The following EPHA5 variants were observed in gnomAD, a reference collection of about 807,000 sequenced individuals.
The protein encoded by EPHA5 is ephrin type-A receptor 5.
Under a neutral mutation model 105.0 loss-of-function variants are expected in EPHA5, and 60 were observed. The ratio of observed to expected loss-of-function variants is 0.57; its 90% CI spans 0.46 to 0.71. The LOEUF (loss-of-function observed/expected upper bound fraction) is 0.71, where lower values mean the gene tolerates loss of function less well. EPHA5 is among the 30% of genes least tolerant of loss of function. The pLI is 0.00. For synonymous variants in EPHA5, 513 were observed against 449.1 expected (o/e 1.14, Z -1.80); for missense variants, 1,218 against 1,274.7 (o/e 0.96, Z 0.68).
Position 65,348,659 on chromosome 4 carries a change from GATATATATATATATAT to G in EPHA5, c.2446-472_2446-457del, listed in dbSNP as rs36206921. Among the ~76,000 whole-genome samples, 22 of 60,202 alleles carry G rather than the reference GATATATATATATATAT, an allele frequency of 3.7e-4. 1 individual carries two copies. In the East Asian group the frequency reaches 4.5e-3, roughly 12 times the overall value. 39.5% of individuals were successfully genotyped at this position (60,202 alleles called of 152,430 possible). A position where few individuals can be genotyped will look rare whatever the true frequency, so the allele number is the denominator to read the frequency against. On this transcript the variant is annotated intron_variant, in intron 13 of 16. Transcript: ENST00000613740. Reference sequence around the variant, plus strand: ...TAATAAGAAAAGCATAAACATTGGAGATATATATATATATATATATATATATATATATATATATAAA... The same window carrying G: ...TAATAAGAAAAGCATAAACATTGGAGATATATATATATATATATATATAAA...
chr4:65,570,681 C>T (rs1352089045), intron 3 of EPHA5, among the ~76,000 whole-genome samples: 9 of 151,726 alleles, frequency 5.9e-5, no homozygotes, highest in Admixed American at 3.9e-4. Flanking sequence ...TGTATAAGTA[C>T]TCTATACTTG....
At chr4:65,560,212 T>C (rs1388978294) in intron 3 of EPHA5, among the ~76,000 whole-genome samples, 1 of 152,114 alleles carries the variant, frequency 6.6e-6, no homozygotes, top group Non-Finnish European at 1.5e-5. Context: ...AATTTGACAA[T>C]AGATATATTC....
Position 65,353,027 on chromosome 4 carries a change from A to T in EPHA5, c.2235+15T>A, listed in dbSNP as rs13435235. On this transcript the variant is annotated intron_variant, in intron 12 of 16. Transcript: ENST00000613740. ...AAATAACACCTTGAATAACTAAATT[A>T]TTCCCCAATCCTACCTTCAAAAATG... 5.4e-6 allele frequency: 8 copies of T among 1,495,044 alleles called. No individual in the cohort carries two copies. The highest frequency in any genetic ancestry group is 6.4e-6 in the Non-Finnish European group (7 of 1,102,018). The allele number at this position is 1,495,044 out of a possible 1,614,324, so 92.6% of individuals were successfully genotyped here.
At chr4:65,505,821 A>AT (rs1217255919) in intron 3 of EPHA5, among the ~76,000 whole-genome samples, 3 of 151,918 alleles carry the variant, frequency 2.0e-5, no homozygotes, top group East Asian at 1.9e-4. Flanking sequence ...AACCAAGGGA[A>AT]TTTTTTTGTG....
intron 8 of EPHA5, among the ~76,000 whole-genome samples, chr4:65,392,821 T>C (rs1720855012): frequency 6.6e-6 from 1 of 152,188 alleles, no homozygotes; most frequent in Non-Finnish European, 1.5e-5. Flanking sequence ...CAAATGGAGA[T>C]TGATGCACAG....
chr4:65,352,511 G>A (rs1350822042), intron 12 of EPHA5, among the ~76,000 whole-genome samples: 1 of 151,886 alleles, frequency 6.6e-6, no homozygotes, highest in African/African-American at 2.4e-5. Context: ...TCCCTGAAAC[G>A]CTGGTGATCT....
intron 8 of EPHA5, among the ~76,000 whole-genome samples, chr4:65,392,384 C>T (rs574030749): frequency 4.6e-5 from 7 of 152,070 alleles, no homozygotes; most frequent in African/African-American, 1.2e-4. Context: ...TATATGATTA[C>T]AAATGTTTGG....
chr4:65,618,928 G>A (rs1014520180), intron 2 of EPHA5, among the ~76,000 whole-genome samples: 1 of 152,188 alleles, frequency 6.6e-6, no homozygotes, highest in Non-Finnish European at 1.5e-5. Context: ...GCCTAGGCGG[G>A]TAGATGATTT....
In EPHA5 at chr4:65,660,344, T is replaced by C. The variant is rs923912975; in HGVS notation, c.181+9218A>G. Among the ~76,000 whole-genome samples the C allele has an allele frequency of 2.0e-5, 3 of 152,230 alleles. 1 individual carries two copies. The highest frequency in any genetic ancestry group is 6.8e-3 in the Middle Eastern group (2 of 294). ...AACAGAAAATCAAGATAATGTCATGTGGTTGGTTTTCACCTTGGATAGCTC... is the reference window on the plus strand; with the variant it reads ...AACAGAAAATCAAGATAATGTCATGCGGTTGGTTTTCACCTTGGATAGCTC... On this transcript the variant is annotated intron_variant, in intron 1 of 16. Coordinates refer to ENST00000613740, the MANE Select transcript of EPHA5 (RefSeq NM_001281766.3).
At chr4:65,655,713 C>T (rs928715411) in intron 1 of EPHA5, among the ~76,000 whole-genome samples, 3 of 152,004 alleles carry the variant, frequency 2.0e-5, no homozygotes, top group African/African-American at 7.2e-5. Flanking sequence ...GTATAGATTT[C>T]CAAAGAATTT....
chr4:65,585,742 T>C (rs1742059306), intron 3 of EPHA5, among the ~76,000 whole-genome samples: 1 of 151,858 alleles, frequency 6.6e-6, no homozygotes, highest in Non-Finnish European at 1.5e-5. Context: ...CTGTTGTAAT[T>C]AGTGCTTATA....
At chr4:65,394,678 C>A (rs900805498) in intron 8 of EPHA5, among the ~76,000 whole-genome samples, 6 of 151,768 alleles carry the variant, frequency 4.0e-5, no homozygotes, top group African/African-American at 1.5e-4. Flanking sequence ...AGAATTAAGG[C>A]AGGACCATTC....
chr4:65,488,899 T>TTTTTTTTTC (rs1731138574), intron 5 of EPHA5, among the ~76,000 whole-genome samples: 1 of 148,996 alleles, frequency 6.7e-6, no homozygotes, highest in Non-Finnish European at 1.5e-5. Flanking sequence ...TTTTTTTTTT[T>TTTTTTTTTC]TTTTGAGACG....
intron 16 of EPHA5, chr4:65,331,469 G>T (rs1195493801): frequency 9.5e-7 from 1 of 1,049,182 alleles, no homozygotes; most frequent in African/African-American, 1.7e-5. Context: ...TAGATTGAAA[G>T]AATGTAAGGT....
intron 5 of EPHA5, among the ~76,000 whole-genome samples, chr4:65,463,840 C>T (rs1728352810): frequency 6.6e-6 from 1 of 151,996 alleles, no homozygotes; most frequent in Admixed American, 6.5e-5. Flanking sequence ...CATAGAGATC[C>T]TGAGATAGGG....
intron 3 of EPHA5, among the ~76,000 whole-genome samples, chr4:65,580,792 T>G (rs1741540959): frequency 6.7e-6 from 1 of 149,834 alleles, no homozygotes; most frequent in East Asian, 2.0e-4. Flanking sequence ...ACAGTTTACT[T>G]TTTTTTTTTT....
chr4:65,435,794 A>G (rs1455359479), intron 5 of EPHA5, among the ~76,000 whole-genome samples: 1 of 149,618 alleles, frequency 6.7e-6, no homozygotes, highest in Admixed American at 6.7e-5. Flanking sequence ...ATGGTTAAAA[A>G]CATTCTGCAA....
intron 5 of EPHA5, among the ~76,000 whole-genome samples, chr4:65,443,423 C>T (rs942407239): frequency 2.6e-5 from 4 of 150,968 alleles, no homozygotes; most frequent in African/African-American, 7.3e-5. Flanking sequence ...ACTGTTACTG[C>T]GATACCGAAT....
rs114827845 is a variant in EPHA5, at chr4:65,559,325, G to T, written c.910+42316C>A. On this transcript the variant is annotated intron_variant, in intron 3 of 16. Transcript: ENST00000613740. ...GAGAGACCCTTTTCATAAATTTGAC[G>T]ATCATTTCAAAGTAAACACATAAGG... Among the ~76,000 whole-genome samples the T allele has an allele frequency of 2.0e-3, 298 of 152,086 alleles. 2 individuals are homozygous for T. The highest frequency in any genetic ancestry group is 2.9e-3 in the Non-Finnish European group (196 of 67,998).
Sources: gnomAD v4.1 joint callset for allele counts (sites outside exome capture counted in the v4.1 genomes callset) on GRCh38, gnomAD v4.1.1 for gene constraint, MANE v1.5 for transcripts, NCBI Gene and HGNC (gene_info 2026-07-23, HGNC 2026-07-21) for gene names.